GLI3: variants seen among roughly 807,000 people sequenced by gnomAD.
The protein encoded by GLI3 is transcription activator GLI3.
A neutral mutation model predicts 100.8 loss-of-function variants in GLI3; 20 were observed. The ratio of observed to expected loss-of-function variants is 0.20; its 90% CI spans 0.14 to 0.29. The LOEUF (loss-of-function observed/expected upper bound fraction) is 0.29. Ranked by LOEUF, GLI3 falls within the 10% of genes least tolerant of loss-of-function variation. The probability of loss-of-function intolerance (pLI) is 1.00; values close to 1 mark genes in which losing one functional copy is unlikely to be tolerated. For synonymous variants in GLI3, 938 were observed against 860.5 expected (o/e 1.09, Z -1.58); for missense variants, 2,040 against 2,128.5 (o/e 0.96, Z 0.82).
intron 2 of GLI3, among the ~76,000 whole-genome samples, chr7:42,155,194 C>A (rs961650420): frequency 1.3e-5 from 2 of 152,132 alleles, no homozygotes; most frequent in Admixed American, 6.5e-5. Flanking sequence ...AATCCCAGCA[C>A]TTTGGGAGGC....
intron 3 of GLI3, among the ~76,000 whole-genome samples, chr7:42,140,751 G>GGGAA (rs1786548841): frequency 6.6e-6 from 1 of 152,138 alleles, no homozygotes; most frequent in Non-Finnish European, 1.5e-5. Flanking sequence ...AGAAAGCTAA[G>GGGAA]GCAGGATGGG....
chr7:42,163,612 T>C (rs1439409461), intron 2 of GLI3, among the ~76,000 whole-genome samples: 1 of 152,100 alleles, frequency 6.6e-6, no homozygotes, highest in African/African-American at 2.4e-5. Context: ...GTACTTTTAG[T>C]AGAGACAAGG....
At chr7:42,186,901 A>G (rs1174468727) in intron 2 of GLI3, among the ~76,000 whole-genome samples, 1 of 152,206 alleles carries the variant, frequency 6.6e-6, no homozygotes, top group Non-Finnish European at 1.5e-5. Context: ...AATAAACCTG[A>G]CAAAATAGCA....
At chr7:42,014,003 G>A (rs138494300) in intron 10 of GLI3, among the ~76,000 whole-genome samples, 25 of 152,232 alleles carry the variant, frequency 1.6e-4, no homozygotes, top group African/African-American at 6.0e-4. Flanking sequence ...TGCTCAAACT[G>A]TACTCGTAAA....
Position 42,172,207 on chromosome 7 carries a change from T to A in GLI3, c.125-23739A>T, listed in dbSNP as rs551366450. Among the ~76,000 whole-genome samples, 164 of 151,752 alleles carry A rather than the reference T, an allele frequency of 1.1e-3. 2 individuals carry two copies. The Middle Eastern group carries it at 0.021, about 19-fold the overall frequency. On this transcript the variant is annotated intron_variant, in intron 2 of 14. Coordinates refer to ENST00000395925, the MANE Select transcript of GLI3 (RefSeq NM_000168.6). ...GTAGTTCTCTTCATAAGAGAAGTTT[T>A]AAAAAAAAATCTTGAAGTTTTCACT...
intron 2 of GLI3, among the ~76,000 whole-genome samples, chr7:42,173,469 G>C (rs1184529471): frequency 6.6e-6 from 1 of 152,026 alleles, no homozygotes; most frequent in Non-Finnish European, 1.5e-5. Flanking sequence ...TGTCTATTTT[G>C]GCTTTTGTGG....
At chr7:42,046,221 C>T (rs1784242033) in intron 5 of GLI3, among the ~76,000 whole-genome samples, 1 of 152,172 alleles carries the variant, frequency 6.6e-6, no homozygotes, top group Admixed American at 6.5e-5. Flanking sequence ...AGCAGCAAGA[C>T]ATTGTAGCAG....
At chr7:42,202,920 A>G (rs966760335) in intron 2 of GLI3, among the ~76,000 whole-genome samples, 2 of 152,156 alleles carry the variant, frequency 1.3e-5, no homozygotes, top group Non-Finnish European at 2.9e-5. Context: ...AATATTCACC[A>G]TTCCTAAACC....
chr7:42,110,007 AG>A (rs1785667560), intron 3 of GLI3, among the ~76,000 whole-genome samples: 1 of 152,226 alleles, frequency 6.6e-6, no homozygotes, highest in African/African-American at 2.4e-5. Flanking sequence ...ATTAAGTGTC[AG>A]GAATATGCAT....
At chr7:42,012,965 G>C (rs775183446) in intron 10 of GLI3, among the ~76,000 whole-genome samples, 9 of 152,200 alleles carry the variant, frequency 5.9e-5, no homozygotes, top group Non-Finnish European at 8.8e-5. Context: ...GGTCACATGT[G>C]CTGAAGCACA....
intron 3 of GLI3, among the ~76,000 whole-genome samples, chr7:42,114,435 C>A (rs1207444288): frequency 7.1e-6 from 1 of 141,688 alleles, no homozygotes; most frequent in Non-Finnish European, 1.5e-5. Context: ...TACGGTTTGG[C>A]TTGGGAAAAA....
chr7:42,104,196 C>T (rs909991121), intron 3 of GLI3, among the ~76,000 whole-genome samples: 1 of 152,204 alleles, frequency 6.6e-6, no homozygotes, highest in Non-Finnish European at 1.5e-5. Flanking sequence ...AAATCCTGAA[C>T]TTCACTTCTC....
At chr7:41,998,988 T>C (rs1788209124) in intron 10 of GLI3, among the ~76,000 whole-genome samples, 1 of 152,246 alleles carries the variant, frequency 6.6e-6, no homozygotes, top group African/African-American at 2.4e-5. Context: ...TTTGTTCAAA[T>C]GTGTCCAGGG....
chr7:42,025,706 C>T (rs571252134), intron 8 of GLI3, among the ~76,000 whole-genome samples: 1 of 152,332 alleles, frequency 6.6e-6, no homozygotes, highest in South Asian at 2.1e-4. Flanking sequence ...GGGTAGAAGA[C>T]CAACACGTTC....
intron 4 of GLI3, among the ~76,000 whole-genome samples, chr7:42,070,127 C>CCA (rs1270115697): frequency 1.3e-5 from 2 of 152,200 alleles, no homozygotes; most frequent in Non-Finnish European, 2.9e-5. Flanking sequence ...GGTCAACACT[C>CCA]CACCCAGTTG....
At chr7:42,028,473 G>T (rs545684701) in intron 7 of GLI3, among the ~76,000 whole-genome samples, 1 of 152,196 alleles carries the variant, frequency 6.6e-6, no homozygotes, top group East Asian at 1.9e-4. Flanking sequence ...TTTTAAAAAA[G>T]ATGTAGGAGG....
intron 2 of GLI3, among the ~76,000 whole-genome samples, chr7:42,157,720 T>G (rs977703814): frequency 2.0e-5 from 3 of 152,128 alleles, no homozygotes; most frequent in African/African-American, 7.3e-5. Flanking sequence ...GTCTTTTATT[T>G]TTAATTCTAT....
chr7:42,174,367 G>T (rs1198965892), intron 2 of GLI3, among the ~76,000 whole-genome samples: 1 of 152,154 alleles, frequency 6.6e-6, no homozygotes, highest in East Asian at 1.9e-4. Context: ...TGTTTACTGA[G>T]AACTCTGATT....
intron 3 of GLI3, among the ~76,000 whole-genome samples, chr7:42,092,281 T>A (rs924615181): frequency 6.6e-6 from 1 of 152,112 alleles, no homozygotes; most frequent in Non-Finnish European, 1.5e-5. Flanking sequence ...CCTACCCCGG[T>A]GAAAATAATA....
Sources: allele counts gnomAD v4.1 joint callset (sites outside exome capture counted in the v4.1 genomes callset), GRCh38; gene constraint gnomAD v4.1.1; transcripts MANE v1.5; gene names NCBI Gene and HGNC (gene_info 2026-07-23, HGNC 2026-07-21).